The following NDST4 variants were observed in gnomAD, a reference collection of about 807,000 sequenced individuals.
NDST4 encodes the protein N-heparan sulfate sulfotransferase 4.
NDST4 carries 63 observed loss-of-function variants against 100.8 expected under a neutral mutation model. The ratio of observed to expected loss-of-function variants is 0.62; its 90% confidence interval spans 0.51 to 0.77. NDST4 has a LOEUF of 0.77. Among genes scored for constraint, NDST4 ranks in the 30% least tolerant of loss-of-function variants. NDST4 has a pLI of 0.00. For synonymous variants in NDST4, 377 were observed against 361.8 expected (o/e 1.04, Z -0.48); for missense variants, 943 against 1,018.4 (o/e 0.93, Z 1.01).
intron 6 of NDST4, among the ~76,000 whole-genome samples, chr4:114,903,957 T>A (rs1039324676): frequency 1.3e-5 from 2 of 151,994 alleles, no homozygotes; most frequent in African/African-American, 2.4e-5. Flanking sequence ...CTGCAAGGCT[T>A]AGTTTGGGAT....
At chr4:115,070,913 T>A (rs992946084) in intron 2 of NDST4, among the ~76,000 whole-genome samples, 8 of 152,164 alleles carry the variant, frequency 5.3e-5, no homozygotes, top group South Asian at 4.1e-4. Flanking sequence ...GATGCCAGCG[T>A]GGCCAACATG....
chr4:114,996,591 C>T (rs1164664567), intron 2 of NDST4, among the ~76,000 whole-genome samples: 3 of 152,022 alleles, frequency 2.0e-5, no homozygotes, highest in Non-Finnish European at 4.4e-5. Flanking sequence ...TCTCTGTTTC[C>T]TAGGTTCTAG....
chr4:115,041,776 G>T (rs1728357079), intron 2 of NDST4, among the ~76,000 whole-genome samples: 1 of 151,994 alleles, frequency 6.6e-6, no homozygotes, highest in South Asian at 2.1e-4. Flanking sequence ...CTGAGTTTCT[G>T]CCTATGGGTT....
Position 115,076,668 on chromosome 4 carries a change from A to C in NDST4, c.369T>G (p.Asn123Lys), listed in dbSNP as rs781718876. Residue 123 changes from asparagine to lysine, a missense_variant, in exon 2 of 14, where the codon AAT (asparagine) becomes AAG (lysine). By Grantham distance (94) the Asn-to-Lys change is moderately conservative. This residue lies in a region of NDST4 where 417 missense variants were observed against 384.2 expected (regional missense o/e 1.09). Coordinates refer to ENST00000264363, the MANE Select transcript of NDST4 (RefSeq NM_022569.3). ...TAACTAAAGTATATTTCCCTTTGCCATTATCTGTAAGAGGAGGTATATCTC... is the reference window on the plus strand; with the variant it reads ...TAACTAAAGTATATTTCCCTTTGCCCTTATCTGTAAGAGGAGGTATATCTC... ...GKGDIPPLTDNGKGKYTLVIY... is the reference protein window; with the variant it reads ...GKGDIPPLTDKGKGKYTLVIY... 6.2e-7 allele frequency: 1 copy of C among 1,613,876 alleles called. No individual in the cohort carries two copies. The highest frequency in any genetic ancestry group is 8.5e-7 in the Non-Finnish European group (1 of 1,179,926).
At chr4:114,893,854 AGGGTTTTATGATTTT>A (rs756811541) in intron 6 of NDST4, among the ~76,000 whole-genome samples, 25 of 152,084 alleles carry the variant, frequency 1.6e-4, no homozygotes, top group Non-Finnish European at 2.9e-4. Context: ...GTTTTCTTCT[AGGGTTTTATGATTTT>A]GGGTTTTATA....
intron 2 of NDST4, among the ~76,000 whole-genome samples, chr4:115,006,826 AG>A (rs1166700326): frequency 6.6e-6 from 1 of 152,150 alleles, no homozygotes; most frequent in African/African-American, 2.4e-5. Flanking sequence ...AGCCAACTAC[AG>A]CACCTTGGGA....
At chr4:114,871,920 A>G (rs1478017798) in intron 6 of NDST4, among the ~76,000 whole-genome samples, 2 of 152,034 alleles carry the variant, frequency 1.3e-5, no homozygotes, top group Non-Finnish European at 2.9e-5. Context: ...TGTAAGGCTA[A>G]TATAAGGTTA....
At chr4:114,971,398 GA>G (rs916896362) in intron 3 of NDST4, among the ~76,000 whole-genome samples, 35 of 147,554 alleles carry the variant, frequency 2.4e-4, no homozygotes, top group East Asian at 2.2e-3. Context: ...CCACAGTTAA[GA>G]AAAAAAAAAC....
chr4:115,035,549 T>C (rs925543652), intron 2 of NDST4, among the ~76,000 whole-genome samples: 2 of 152,014 alleles, frequency 1.3e-5, no homozygotes, highest in Non-Finnish European at 2.9e-5. Context: ...GAGTAATGAA[T>C]AGCAAATTGT....
chr4:114,837,985 C>A (rs1161343711), intron 11 of NDST4, among the ~76,000 whole-genome samples: 1 of 152,126 alleles, frequency 6.6e-6, no homozygotes, highest in African/African-American at 2.4e-5. Flanking sequence ...AAGAAAAAAA[C>A]AACCTCATCA....
At chr4:114,892,649 T>C (rs1011066134) in intron 6 of NDST4, among the ~76,000 whole-genome samples, 12 of 152,040 alleles carry the variant, frequency 7.9e-5, no homozygotes, top group African/African-American at 2.4e-4. Context: ...GAAATGGGTA[T>C]ACCGGAGATA....
At chr4:115,063,876 T>G (rs1728876879) in intron 2 of NDST4, among the ~76,000 whole-genome samples, 1 of 151,996 alleles carries the variant, frequency 6.6e-6, no homozygotes, top group African/African-American at 2.4e-5. Flanking sequence ...AATACTTTCT[T>G]TTCCTCACAT....
At chr4:114,947,839 G>C (rs904006793) in intron 4 of NDST4, among the ~76,000 whole-genome samples, 2 of 151,960 alleles carry the variant, frequency 1.3e-5, no homozygotes, top group African/African-American at 4.8e-5. Context: ...AAAATATTAG[G>C]CTTTAAAAAA....
At chr4:114,843,684 A>G (rs760308219) in intron 10 of NDST4, among the ~76,000 whole-genome samples, 1 of 152,052 alleles carries the variant, frequency 6.6e-6, no homozygotes, top group African/African-American at 2.4e-5. Context: ...TCACGCCTCC[A>G]TCTGGCAGCA....
At chr4:114,937,963 T>G (rs973511953) in intron 4 of NDST4, among the ~76,000 whole-genome samples, 1 of 152,094 alleles carries the variant, frequency 6.6e-6, no homozygotes, top group African/African-American at 2.4e-5. Context: ...ACATTTAAAC[T>G]GAAAGATTTT....
intron 5 of NDST4, among the ~76,000 whole-genome samples, chr4:114,936,308 C>G (rs1426225369): frequency 6.6e-6 from 1 of 152,152 alleles, no homozygotes; most frequent in Non-Finnish European, 1.5e-5. Context: ...TCTGAGGCTT[C>G]TTCAGGCCTT....
At chr4:114,919,684 G>A (rs1725248204) in intron 6 of NDST4, among the ~76,000 whole-genome samples, 2 of 152,214 alleles carry the variant, frequency 1.3e-5, no homozygotes, top group African/African-American at 4.8e-5. Flanking sequence ...AAATGAGAAA[G>A]CATTGGAGGA....
At chr4:115,091,859 T>C (rs1381293149) in intron 1 of NDST4, among the ~76,000 whole-genome samples, 1 of 152,160 alleles carries the variant, frequency 6.6e-6, no homozygotes, top group Non-Finnish European at 1.5e-5. Context: ...AAATAAGTGA[T>C]TAAAATTTGT....
chr4:115,095,855 A>G (rs2126296382), intron 1 of NDST4, among the ~76,000 whole-genome samples: 1 of 152,214 alleles, frequency 6.6e-6, no homozygotes, highest in East Asian at 1.9e-4. Context: ...TAATCATTGT[A>G]TAACAGTAAG....
Sources: allele counts gnomAD v4.1 joint callset (sites outside exome capture counted in the v4.1 genomes callset), GRCh38; gene constraint gnomAD v4.1.1; regional missense constraint gnomAD v4.1.1; transcripts MANE v1.5; gene names NCBI Gene and HGNC (gene_info 2026-07-23, HGNC 2026-07-21).